ZDHHC3: variants seen among roughly 807,000 people sequenced by gnomAD.
ZDHHC3 encodes the protein palmitoyltransferase ZDHHC3.
A neutral mutation model predicts 30.6 loss-of-function variants in ZDHHC3; 9 were observed. That is an observed-to-expected ratio of 0.29 (90% CI 0.18 to 0.51). The LOEUF (loss-of-function observed/expected upper bound fraction) is 0.51. Among genes scored for constraint, ZDHHC3 ranks in the 20% least tolerant of loss-of-function variants. The pLI is 0.97. For synonymous variants in ZDHHC3, 136 were observed against 140.2 expected (o/e 0.97, Z 0.21); for missense variants, 246 against 384.2 (o/e 0.64, Z 3.01).
At chr3:44,971,526 T>C (rs1404933778) in intron 1 of ZDHHC3, among the ~76,000 whole-genome samples, 1 of 152,232 alleles carries the variant, frequency 6.6e-6, no homozygotes, top group East Asian at 1.9e-4. Context: ...AGCCTCATTT[T>C]TTCCCCAACA....
chr3:44,962,708 C>A (rs1704589579), intron 1 of ZDHHC3, among the ~76,000 whole-genome samples: 1 of 152,206 alleles, frequency 6.6e-6, no homozygotes, highest in African/African-American at 2.4e-5. Context: ...GGCTTCACAT[C>A]AACTGGCTTG....
At chr3:44,932,816 A>T in intron 5 of ZDHHC3, 1 of 1,249,316 alleles carries the variant, frequency 8.0e-7, no homozygotes, top group South Asian at 1.2e-5. Flanking sequence ...GCTCCCACGC[A>T]TTGGAACCGG....
In ZDHHC3 at chr3:44,925,431, T is replaced by C; in HGVS notation, c.*1258A>G. On this transcript the variant is annotated 3_prime_UTR_variant, in exon 7 of 7. Coordinates refer to ENST00000424952, the MANE Select transcript of ZDHHC3 (RefSeq NM_001135179.2). The stretch of plus-strand genomic sequence containing the variant: ...GGTCAATAATCATATTTGTTATTTT[T>C]GCACTTGGAGGGCACTCCCTACCTC... 1.0e-6 allele frequency: 1 copy of C among 985,590 alleles called. No homozygotes were observed. Among genetic ancestry groups the C allele is most frequent in the Non-Finnish European group, 1.2e-6 (1 of 829,954 alleles). 61.1% of individuals were successfully genotyped at this position (985,590 alleles called of 1,614,324 possible).
At chr3:44,955,396 G>T (rs933785560) in intron 2 of ZDHHC3, among the ~76,000 whole-genome samples, 33 of 150,710 alleles carry the variant, frequency 2.2e-4, no homozygotes, top group Admixed American at 2.0e-4. Flanking sequence ...TATTACACTT[G>T]GAATAATTAT....
chr3:44,958,650 G>A (rs1400184855), intron 2 of ZDHHC3: 174 of 1,535,954 alleles, frequency 1.1e-4, no homozygotes, highest in Middle Eastern at 1.7e-4. Flanking sequence ...GATGCACCTC[G>A]CCCAAGCAAA....
intron 1 of ZDHHC3, among the ~76,000 whole-genome samples, chr3:44,974,039 C>T (rs959806246): frequency 6.6e-5 from 10 of 152,242 alleles, no homozygotes; most frequent in Middle Eastern, 3.4e-3. Context: ...ATTTTAAAGA[C>T]GTCCAATGCA....
intron 5 of ZDHHC3, chr3:44,932,840 T>C: frequency 2.0e-6 from 3 of 1,511,566 alleles, no homozygotes; most frequent in Admixed American, 1.7e-5. Flanking sequence ...CTGTGCTTGC[T>C]TGGGGCCTGC....
At position 44,921,119 on chromosome 3, in the gene ZDHHC3, G is replaced by T; in HGVS notation, c.*5570C>A. The T allele has an allele frequency of 1.0e-6, 1 of 985,446 alleles. No individual in the cohort carries two copies. Among genetic ancestry groups the T allele is most frequent in the Non-Finnish European group, 1.2e-6 (1 of 829,934 alleles). 61.0% of individuals were successfully genotyped at this position (985,446 alleles called of 1,614,324 possible). On this transcript the variant is annotated 3_prime_UTR_variant, in exon 7 of 7. Coordinates refer to ENST00000424952, the MANE Select transcript of ZDHHC3 (RefSeq NM_001135179.2). Reference sequence around the variant, plus strand: ...AGTCGACACCAGAAGCTCTTGCAGGGTGTGTGATGGGCCTTTTGGCCCAGG... The same window carrying T: ...AGTCGACACCAGAAGCTCTTGCAGGTTGTGTGATGGGCCTTTTGGCCCAGG...
At chr3:44,945,454 A>G (rs1268890457) in intron 2 of ZDHHC3, 162 bp from the exon 3 acceptor site, 2 of 1,050,210 alleles carry the variant, frequency 1.9e-6, no homozygotes, top group African/African-American at 3.2e-5. Context: ...TTATGCCAAC[A>G]TTAAGGAATA....
In ZDHHC3 at chr3:44,917,821, G is replaced by A. The variant is rs568464065; in HGVS notation, c.*8868C>T. The A allele has an allele frequency of 4.6e-5, 58 of 1,263,390 alleles. No homozygotes were observed. Among genetic ancestry groups the A allele is most frequent in the African/African-American group, 6.1e-5 (4 of 65,418 alleles). The allele number at this position is 1,263,390 out of a possible 1,614,324, so 78.3% of individuals were successfully genotyped here. The stretch of plus-strand genomic sequence containing the variant: ...TGCTGGGAGCGCACCATGCCCATAA[G>A]CCCCTTTAGCCAAAACCCCAGGATG... On this transcript the variant is annotated 3_prime_UTR_variant, in exon 7 of 7. Transcript: ENST00000424952.
Position 44,922,589 on chromosome 3 carries a change from T to C in ZDHHC3, c.*4100A>G, listed in dbSNP as rs1206705913. ...TCAGCACACCCCAACTGCACTATGCTGAGCCCAGCAGCACACAAGACCCAT... is the reference window on the plus strand; with the variant it reads ...TCAGCACACCCCAACTGCACTATGCCGAGCCCAGCAGCACACAAGACCCAT... On this transcript the variant is annotated 3_prime_UTR_variant, in exon 7 of 7. Coordinates refer to ENST00000424952, the MANE Select transcript of ZDHHC3 (RefSeq NM_001135179.2). 3 of 985,406 alleles carry C rather than the reference T, an allele frequency of 3.0e-6. No homozygotes were observed. The highest frequency in any genetic ancestry group is 3.6e-6 in the Non-Finnish European group (3 of 829,928). The allele number at this position is 985,406 out of a possible 1,614,324, so 61.0% of individuals were successfully genotyped here.
At position 44,920,276 on chromosome 3, in the gene ZDHHC3, G is replaced by C; in HGVS notation, c.*6413C>G. On this transcript the variant is annotated 3_prime_UTR_variant, in exon 7 of 7. Coordinates refer to ENST00000424952, the MANE Select transcript of ZDHHC3 (RefSeq NM_001135179.2). The stretch of plus-strand genomic sequence containing the variant: ...CCTCCCTTCTTGGCACAGAAGCAGT[G>C]ACCAGCTGAGATGGTTTGCTTTGGG... The C allele has an allele frequency of 7.8e-7, 1 of 1,289,892 alleles. No individual in the cohort carries two copies. The highest frequency in any genetic ancestry group is 1.2e-5 in the South Asian group (1 of 81,028). 79.9% of individuals were successfully genotyped at this position (1,289,892 alleles called of 1,614,324 possible). A position where few individuals can be genotyped will look rare whatever the true frequency, so the allele number is the denominator to read the frequency against.
At chr3:44,937,028 A>G (rs1394581639) in intron 3 of ZDHHC3, among the ~76,000 whole-genome samples, 1 of 152,056 alleles carries the variant, frequency 6.6e-6, no homozygotes, top group East Asian at 1.9e-4. Context: ...TTTTTTTTCA[A>G]TTCATTATTT....
At chr3:44,944,438 G>T (rs113897792) in intron 3 of ZDHHC3, among the ~76,000 whole-genome samples, 1 of 152,074 alleles carries the variant, frequency 6.6e-6, no homozygotes, top group Non-Finnish European at 1.5e-5. Context: ...GAGCCACTGC[G>T]CCCGGCCTAA....
chr3:44,943,214 A>T (rs958797286), intron 3 of ZDHHC3, among the ~76,000 whole-genome samples: 2 of 152,156 alleles, frequency 1.3e-5, no homozygotes, highest in African/African-American at 4.8e-5. Flanking sequence ...GTCATCCCCA[A>T]ACTGGAGTTC....
At chr3:44,937,377 G>A (rs1272769863) in intron 3 of ZDHHC3, among the ~76,000 whole-genome samples, 1 of 151,824 alleles carries the variant, frequency 6.6e-6, no homozygotes, top group Non-Finnish European at 1.5e-5. Context: ...CTGGGGTGGG[G>A]AGAGGAGACG....
intron 6 of ZDHHC3, among the ~76,000 whole-genome samples, chr3:44,928,116 T>C (rs980908000): frequency 1.3e-5 from 2 of 152,218 alleles, no homozygotes; most frequent in Non-Finnish European, 2.9e-5. Context: ...CCGTATATCT[T>C]ACGTAGAGAA....
intron 2 of ZDHHC3, among the ~76,000 whole-genome samples, chr3:44,952,393 C>T (rs1703545102): frequency 6.6e-6 from 1 of 152,180 alleles, no homozygotes; most frequent in South Asian, 2.1e-4. Flanking sequence ...GTCTTCCTGC[C>T]TCTAGTCTCT....
rs1309300094 is a variant in ZDHHC3 at position 44,926,074 on chromosome 3, T to G, written c.*615A>C. ...TCCCCACTCCCCCGCAAAATCATTC[T>G]ACACACCCCAAGCCCATAAAGTACA... On this transcript the variant is annotated 3_prime_UTR_variant, in exon 7 of 7. Transcript: ENST00000424952. 1.0e-6 allele frequency: 1 copy of G among 985,780 alleles called. No individual in the cohort carries two copies. The allele number at this position is 985,780 out of a possible 1,614,324, so 61.1% of individuals were successfully genotyped here.
Sources: allele counts gnomAD v4.1 joint callset (sites outside exome capture counted in the v4.1 genomes callset), GRCh38; gene constraint gnomAD v4.1.1; transcripts MANE v1.5; gene names NCBI Gene and HGNC (gene_info 2026-07-23, HGNC 2026-07-21).